Variants in CHD1L observed in about 807,000 individuals in gnomAD.
The protein encoded by CHD1L is ATP-dependent chromatin remodeler CHD1L.
CHD1L carries 118 observed loss-of-function variants against 115.9 expected under a neutral mutation model. That is an observed-to-expected ratio of 1.02 (90% CI 0.88 to 1.19). CHD1L has a LOEUF of 1.19. CHD1L is among the 50% of genes most tolerant of loss of function. CHD1L has a pLI of 0.00. For synonymous variants in CHD1L, 411 were observed against 387.1 expected, an observed-to-expected ratio of 1.06 and a Z score of -0.72; for missense variants, 1,179 against 1,065.3, an observed-to-expected ratio of 1.11 and a Z score of -1.49.
At chr1:147,190,018 A>G in the CHD1L span, among the ~76,000 whole-genome samples, 2 of 152,136 alleles carry the variant, frequency 1.3e-5, no homozygotes, top group Admixed American at 6.5e-5. Flanking sequence ...TACTAGTGCT[A>G]TTTCTCCATT....
chr1:147,179,385 C>T, the CHD1L span: 1 of 1,599,004 alleles, frequency 6.3e-7, no homozygotes, highest in Non-Finnish European at 8.6e-7. Context: ...AGAAGCTCAG[C>T]AAAGACCTGA....
the CHD1L span, among the ~76,000 whole-genome samples, chr1:147,227,907 C>G: frequency 3.3e-5 from 5 of 151,932 alleles, no homozygotes; most frequent in African/African-American, 7.3e-5. Flanking sequence ...CAAACAGTCT[C>G]TTTTGGAGGC....
At chr1:147,179,795 C>T in the CHD1L span, among the ~76,000 whole-genome samples, 3 of 151,946 alleles carry the variant, frequency 2.0e-5, no homozygotes, top group Admixed American at 2.0e-4. Flanking sequence ...CTTAGCTGCA[C>T]TGTTATGGAA....
chr1:147,268,718 C>A, intron 9 of CHD1L, 64 bp from the exon 10 acceptor site: 2 of 1,334,414 alleles, frequency 1.5e-6, no homozygotes, highest in Non-Finnish European at 2.1e-6. Context: ...CTTCCTGTAG[C>A]CTAGCTACTG....
chr1:147,254,042 C>A (rs782501930), intron 2 of CHD1L, among the ~76,000 whole-genome samples: 5 of 152,072 alleles, frequency 3.3e-5, no homozygotes, highest in Non-Finnish European at 7.4e-5. Context: ...TGAATTATAT[C>A]CTTAGGACAG....
At chr1:147,278,228 T>TTC (rs1238267224) in intron 14 of CHD1L, among the ~76,000 whole-genome samples, 1 of 132,716 alleles carries the variant, frequency 7.5e-6, no homozygotes, top group Non-Finnish European at 1.6e-5. Context: ...TTGGGTTTTT[T>TTC]TTTTTTTTTT....
At chr1:147,223,823 A>T in the CHD1L span, 1 of 292,062 alleles carries the variant, frequency 3.4e-6, no homozygotes, top group South Asian at 3.1e-5. Context: ...CGCACTGCCA[A>T]ACAGCTACTG....
chr1:147,211,277 T>C, the CHD1L span: 2 of 152,214 alleles, frequency 1.3e-5, no homozygotes, highest in African/African-American at 4.8e-5. Flanking sequence ...AAGATGGCTC[T>C]CGCCATGGGT....
the CHD1L span, chr1:147,204,114 T>C: frequency 9.4e-7 from 1 of 1,059,580 alleles, no homozygotes; most frequent in Non-Finnish European, 1.5e-6. Flanking sequence ...TCCATGAGAT[T>C]TTCTTCTCCC....
At chr1:147,225,689 C>T in the CHD1L span, 2 of 152,790 alleles carry the variant, frequency 1.3e-5, no homozygotes, top group South Asian at 2.1e-4. Flanking sequence ...TCAACAACCC[C>T]AAAGCCAGTT....
intron 19 of CHD1L, among the ~76,000 whole-genome samples, chr1:147,289,436 G>A (rs1284519170): frequency 5.3e-5 from 8 of 152,172 alleles, no homozygotes; most frequent in African/African-American, 2.4e-5. Flanking sequence ...ACTGAAGTGA[G>A]GATGAATTGG....
At chr1:147,260,878 GATGTGAAATACCCTTTTT>G (rs1306295107) in intron 6 of CHD1L, 1 of 152,150 alleles carries the variant, frequency 6.6e-6, no homozygotes, top group Non-Finnish European at 1.5e-5. Flanking sequence ...GAGTCAGTGC[GATGTGAAATACCCTTTTT>G]ATTGACCTGG....
intron 6 of CHD1L, among the ~76,000 whole-genome samples, chr1:147,263,193 C>G (rs909470205): frequency 2.6e-5 from 4 of 151,722 alleles, no homozygotes; most frequent in Non-Finnish European, 4.4e-5. Flanking sequence ...TTTGGGAGGC[C>G]GAGGCAGGAA....
At chr1:147,253,770 T>G (rs1349001811) in intron 2 of CHD1L, among the ~76,000 whole-genome samples, 1 of 152,256 alleles carries the variant, frequency 6.6e-6, no homozygotes, top group Non-Finnish European at 1.5e-5. Flanking sequence ...AGTGCTGGGA[T>G]TACAGGCGTG....
chr1:147,261,477 G>A (rs1671924994), intron 6 of CHD1L, among the ~76,000 whole-genome samples: 1 of 151,538 alleles, frequency 6.6e-6, no homozygotes, highest in Non-Finnish European at 1.5e-5. Context: ...ACCTCTTAAA[G>A]GCGCTACCTC....
chr1:147,283,319 C>T lies in CHD1L; in HGVS notation c.1706-1032C>T, dbSNP rs587687325. Among the ~76,000 whole-genome samples, 153 of 141,616 alleles carry T rather than the reference C, an allele frequency of 1.1e-3. 1 individual carries two copies. Among genetic ancestry groups the T allele is most frequent in the Non-Finnish European group, 1.8e-3 (109 of 61,938 alleles). The allele number at this position is 141,616 out of a possible 152,430, so 92.9% of individuals were successfully genotyped here. ...ATCTCTTGAGAATGAAAATGTTTTG[C>T]TTTCATACTCTCTAGGGAAAACATA... On this transcript the variant is annotated intron_variant, in intron 15 of 22. Transcript: ENST00000369258.
At chr1:147,269,553 C>T (rs1353586976) in intron 10 of CHD1L, among the ~76,000 whole-genome samples, 4 of 151,002 alleles carry the variant, frequency 2.6e-5, no homozygotes. Context: ...CCTGTAGTCC[C>T]AGCTACTTGG....
chr1:147,228,052 A>C, the CHD1L span, among the ~76,000 whole-genome samples: 7 of 150,754 alleles, frequency 4.6e-5, no homozygotes, highest in East Asian at 1.4e-3. Flanking sequence ...GTACATGTGC[A>C]CAACGTGCAG....
At chr1:147,290,190 C>T (rs1200239326) in intron 19 of CHD1L, among the ~76,000 whole-genome samples, 4 of 152,110 alleles carry the variant, frequency 2.6e-5, no homozygotes, top group Non-Finnish European at 4.4e-5. Flanking sequence ...TCAGGAAATC[C>T]TCCTGCCTCA....
Sources: gnomAD v4.1 joint callset for allele counts (sites outside exome capture counted in the v4.1 genomes callset) on GRCh38, gnomAD v4.1.1 for gene constraint, MANE v1.5 for transcripts, NCBI Gene and HGNC (gene_info 2026-07-23, HGNC 2026-07-21) for gene names.